The following TENM3 variants were observed in gnomAD, a reference collection of about 807,000 sequenced individuals.
TENM3 encodes the protein teneurin-3.
In TENM3, 63 loss-of-function variants were observed where a neutral mutation model predicts 255.1. The ratio of observed to expected loss-of-function variants is 0.25; its 90% confidence interval spans 0.20 to 0.30. TENM3 has a LOEUF of 0.30. Ranked by LOEUF, TENM3 falls within the 10% of genes least tolerant of loss-of-function variation. The pLI is 1.00. For missense variants in TENM3, 2,929 were observed against 3,461.1 expected, an observed-to-expected ratio of 0.85 and a Z score of 3.86; for synonymous variants, 1,306 against 1,322.3, an observed-to-expected ratio of 0.99 and a Z score of 0.27.
chr4:181,732,485 A>C, the TENM3 span, among the ~76,000 whole-genome samples: 1 of 152,228 alleles, frequency 6.6e-6, no homozygotes, highest in African/African-American at 2.4e-5. Flanking sequence ...TGATTATCTT[A>C]AAGGCCTAAG....
intron 1 of TENM3, among the ~76,000 whole-genome samples, chr4:182,157,891 T>A (rs576108103): frequency 6.6e-6 from 1 of 152,334 alleles, no homozygotes; most frequent in East Asian, 1.9e-4. Context: ...TTTGGCCAGA[T>A]TATTTGCATA....
intron 3 of TENM3, among the ~76,000 whole-genome samples, chr4:182,375,727 A>T (rs944872213): frequency 6.6e-6 from 1 of 152,054 alleles, no homozygotes; most frequent in Admixed American, 6.6e-5. Context: ...TATTTTTGGT[A>T]GAGATGAGAT....
chr4:181,549,785 C>T, the TENM3 span, among the ~76,000 whole-genome samples: 1 of 152,098 alleles, frequency 6.6e-6, no homozygotes, highest in Admixed American at 6.6e-5. Flanking sequence ...TGGGGACAGA[C>T]TTGCATATTT....
At chr4:182,553,113 C>G (rs1742221948) in intron 3 of TENM3, among the ~76,000 whole-genome samples, 1 of 152,034 alleles carries the variant, frequency 6.6e-6, no homozygotes, top group Non-Finnish European at 1.5e-5. Flanking sequence ...TAGACAGGGT[C>G]TCACTGTGTT....
chr4:182,402,743 A>G (rs1769293959), intron 3 of TENM3, among the ~76,000 whole-genome samples: 1 of 152,218 alleles, frequency 6.6e-6, no homozygotes, highest in African/African-American at 2.4e-5. Flanking sequence ...GAGAGAAATT[A>G]TGCTAATGCA....
At chr4:181,689,672 TC>T in the TENM3 span, among the ~76,000 whole-genome samples, 1 of 152,166 alleles carries the variant, frequency 6.6e-6, no homozygotes, top group Non-Finnish European at 1.5e-5. Context: ...AGGACATTTT[TC>T]TTTCAGCCTT....
chr4:182,794,428 A>G (rs2152832802), intron 26 of TENM3, among the ~76,000 whole-genome samples: 1 of 152,312 alleles, frequency 6.6e-6, no homozygotes, highest in South Asian at 2.1e-4. Context: ...GGTGAAACAC[A>G]ATACAAGGTG....
chr4:181,505,615 C>T, the TENM3 span, among the ~76,000 whole-genome samples: 2 of 152,044 alleles, frequency 1.3e-5, no homozygotes, highest in Non-Finnish European at 1.5e-5. Flanking sequence ...CTTTGTATAA[C>T]TCATAATAGG....
chr4:181,861,472 TATTC>T, the TENM3 span, among the ~76,000 whole-genome samples: 1 of 152,152 alleles, frequency 6.6e-6, no homozygotes, highest in Non-Finnish European at 1.5e-5. Context: ...GCACCTGAAA[TATTC>T]ATTATGTGGA....
At chr4:182,119,724 T>A in the TENM3 span, among the ~76,000 whole-genome samples, 7,062 of 152,158 alleles carry the variant, frequency 0.046, 233 homozygotes, top group Middle Eastern at 0.085. Context: ...TTATTTCATT[T>A]TAGATAGGGT....
intron 1 of TENM3, among the ~76,000 whole-genome samples, chr4:182,306,286 G>A (rs933770956): frequency 8.6e-5 from 13 of 151,746 alleles, no homozygotes; most frequent in African/African-American, 1.2e-4. Flanking sequence ...GACCTCCTAG[G>A]CTCAGGTGAC....
chr4:181,796,900 C>A, the TENM3 span, among the ~76,000 whole-genome samples: 1 of 152,160 alleles, frequency 6.6e-6, no homozygotes, highest in South Asian at 2.1e-4. Context: ...ATTCTTACGT[C>A]ATGTCAGAGC....
chr4:182,536,125 G>C (rs1341150360), intron 3 of TENM3, among the ~76,000 whole-genome samples: 4 of 152,196 alleles, frequency 2.6e-5, no homozygotes, highest in Non-Finnish European at 4.4e-5. Context: ...AGATTAACTA[G>C]ATTGTTGTTT....
At chr4:181,893,367 G>A in the TENM3 span, among the ~76,000 whole-genome samples, 7 of 151,824 alleles carry the variant, frequency 4.6e-5, no homozygotes, top group African/African-American at 9.7e-5. Context: ...CTATGGAATA[G>A]ACCTGAATGT....
chr4:181,883,994 G>T, the TENM3 span, among the ~76,000 whole-genome samples: 1 of 152,230 alleles, frequency 6.6e-6, no homozygotes, highest in African/African-American at 2.4e-5. Flanking sequence ...GGTCCCTCGG[G>T]GAAGTAACAA....
chr4:182,588,316 A>T (rs1450510064), intron 3 of TENM3, among the ~76,000 whole-genome samples: 1 of 152,130 alleles, frequency 6.6e-6, no homozygotes, highest in East Asian at 1.9e-4. Flanking sequence ...GTGATATGTT[A>T]TCTGAAAAGC....
the TENM3 span, among the ~76,000 whole-genome samples, chr4:181,726,319 G>A: frequency 6.6e-6 from 1 of 152,056 alleles, no homozygotes; most frequent in Admixed American, 6.5e-5. Flanking sequence ...AAATGTCAGA[G>A]GGCTTTATGT....
the TENM3 span, among the ~76,000 whole-genome samples, chr4:181,902,268 T>C: frequency 6.6e-6 from 1 of 152,200 alleles, no homozygotes; most frequent in East Asian, 1.9e-4. Context: ...CTTTATCAGA[T>C]GGGTAGATTG....
At chr4:181,654,481 AGT>A in the TENM3 span, among the ~76,000 whole-genome samples, 1 of 152,024 alleles carries the variant, frequency 6.6e-6, no homozygotes, top group South Asian at 2.1e-4. Context: ...CTTCTCAAAG[AGT>A]GGTCCTTCGC....
Sources: allele counts gnomAD v4.1 joint callset (sites outside exome capture counted in the v4.1 genomes callset), GRCh38; gene constraint gnomAD v4.1.1; transcripts MANE v1.5; gene names NCBI Gene and HGNC (gene_info 2026-07-23, HGNC 2026-07-21).